MEGF10: variants seen among roughly 807,000 people sequenced by gnomAD.
MEGF10 encodes multiple epidermal growth factor-like domains protein 10.
Under a neutral mutation model 147.5 loss-of-function variants are expected in MEGF10, and 86 were observed. The ratio of observed to expected loss-of-function variants is 0.58; its 90% CI spans 0.49 to 0.70. The LOEUF (loss-of-function observed/expected upper bound fraction) is 0.70. Among genes scored for constraint, MEGF10 ranks in the 30% least tolerant of loss-of-function variants. The pLI is 0.00. For missense variants in MEGF10, 1,329 were observed against 1,487.3 expected (o/e 0.89, Z 1.75); for synonymous variants, 478 against 525.5 (o/e 0.91, Z 1.24).
the MEGF10 span, among the ~76,000 whole-genome samples, chr5:127,232,654 A>C: frequency 2.6e-5 from 4 of 152,182 alleles, no homozygotes; most frequent in African/African-American, 9.7e-5. Context: ...AGAGAAGTAC[A>C]AAACTTGGAG....
At chr5:127,314,085 C>G (rs1580700198) in intron 1 of MEGF10, among the ~76,000 whole-genome samples, 1 of 152,132 alleles carries the variant, frequency 6.6e-6, no homozygotes, top group South Asian at 2.1e-4. Flanking sequence ...GGGATTGTTT[C>G]TCAGTTACCC....
chr5:127,445,299 G>A, intron 19 of MEGF10, 158 bp from the exon 20 acceptor site: 1 of 644,222 alleles, frequency 1.6e-6, no homozygotes, highest in Non-Finnish European at 2.7e-6. Flanking sequence ...ATCTGACAAT[G>A]AGGAATGTTT....
the MEGF10 span, among the ~76,000 whole-genome samples, chr5:127,247,446 GAAGAAGAAGAAGAAGAA>G: frequency 8.3e-6 from 1 of 120,444 alleles, no homozygotes; most frequent in African/African-American, 3.7e-5. Flanking sequence ...AGAAGAAGAA[GAAGAAGAAGAAGAAGAA>G]GAAGAAGAAG....
intron 19 of MEGF10, 100 bp downstream of exon 19, chr5:127,443,226 TCAC>T: frequency 1.6e-6 from 2 of 1,254,216 alleles, no homozygotes; most frequent in Non-Finnish European, 2.1e-6. Context: ...AGCAGAATCT[TCAC>T]CACAACTCTA....
At position 127,420,131 on chromosome 5, in the gene MEGF10, G is replaced by T. The variant is rs199699950; in HGVS notation, c.1514G>T (p.Gly505Val). The T allele has an allele frequency of 1.2e-6, 2 of 1,614,114 alleles. No homozygotes were observed. Among genetic ancestry groups the T allele is most frequent in the Non-Finnish European group, 1.7e-6 (2 of 1,180,054 alleles). Residue 505 changes from glycine to valine, a missense_variant, in exon 12 of 25, where the codon GGA (glycine) becomes GTA (valine). Gly to Val is a moderately radical substitution (Grantham distance 109, BLOSUM62 -3). Around this residue, in one of 3 missense-constraint regions of MEGF10, gnomAD observed 980 missense variants for 1,085.9 expected, o/e 0.90. Coordinates refer to ENST00000503335, the MANE Select transcript of MEGF10 (RefSeq NM_001256545.2). ...CNLTCQCLNG[G>V]ACNTLDGTCT... The stretch of plus-strand genomic sequence containing the variant: ...TTAACATGCCAGTGCCTCAACGGGG[G>T]AGCCTGCAACACCCTGGACGGGACC...
the MEGF10 span, among the ~76,000 whole-genome samples, chr5:127,260,948 AACAGGAACTGTAGTGCAGTTCAGTACAGT>A: frequency 1.3e-5 from 2 of 152,140 alleles, no homozygotes; most frequent in African/African-American, 2.4e-5. Context: ...CAGTAGTAGG[AACAGGAACTGTAGTGCAGTTCAGTACAGT>A]ACAGGAACTG....
At chr5:127,411,560 G>A (rs900386745) in intron 9 of MEGF10, among the ~76,000 whole-genome samples, 4 of 152,040 alleles carry the variant, frequency 2.6e-5, no homozygotes, top group Non-Finnish European at 4.4e-5. Context: ...CTGTGTGTGT[G>A]TGTGTGTGTG....
At chr5:127,263,252 T>G in the MEGF10 span, among the ~76,000 whole-genome samples, 6 of 146,284 alleles carry the variant, frequency 4.1e-5, no homozygotes, top group African/African-American at 1.5e-4. Context: ...GGTTCATGAA[T>G]GTGATGCAGT....
the MEGF10 span, among the ~76,000 whole-genome samples, chr5:127,266,717 CTGTT>C: frequency 6.6e-6 from 1 of 152,214 alleles, no homozygotes; most frequent in South Asian, 2.1e-4. Context: ...ATTTAGCTCT[CTGTT>C]TGTCTGTTAT....
chr5:127,417,152 C>T (rs1764807255), intron 9 of MEGF10, among the ~76,000 whole-genome samples: 1 of 152,204 alleles, frequency 6.6e-6, no homozygotes, highest in Non-Finnish European at 1.5e-5. Context: ...CAGCTGGTTG[C>T]CTGGTGGGTC....
At chr5:127,323,096 A>C (rs1760855437) in intron 1 of MEGF10, among the ~76,000 whole-genome samples, 1 of 152,154 alleles carries the variant, frequency 6.6e-6, no homozygotes, top group South Asian at 2.1e-4. Context: ...AAATTATTTT[A>C]AAATAAAAAG....
In MEGF10 at chr5:127,438,421, C is replaced by T. The variant is rs192801422; in HGVS notation, c.2105-18C>T. 2.5e-6 allele frequency: 4 copies of T among 1,612,920 alleles called. No homozygotes were observed. In the African/African-American group the frequency reaches 5.3e-5, roughly 21 times the overall value. Reference sequence around the variant, plus strand: ...GGCCTCAGAACTCTGATGGACTTCTCCATACCTGTAATTTCAGCATGTCCA... The same window carrying T: ...GGCCTCAGAACTCTGATGGACTTCTTCATACCTGTAATTTCAGCATGTCCA... On this transcript the variant is annotated intron_variant, in intron 16 of 24. Transcript: ENST00000503335.
chr5:127,427,348 TA>T (rs1315663691), intron 13 of MEGF10, among the ~76,000 whole-genome samples: 2 of 151,990 alleles, frequency 1.3e-5, no homozygotes, highest in African/African-American at 4.8e-5. Flanking sequence ...TATACCAGAA[TA>T]AAAAAGTTAA....
intron 1 of MEGF10, 51 bp from the exon 2 acceptor site, chr5:127,331,240 T>C (rs1278444208): frequency 2.1e-6 from 2 of 954,814 alleles, no homozygotes; most frequent in African/African-American, 3.2e-5. Flanking sequence ...AAAAGAATTC[T>C]GTGTGAGTCA....
intron 1 of MEGF10, among the ~76,000 whole-genome samples, chr5:127,309,733 T>C (rs1760177897): frequency 1.3e-5 from 2 of 152,188 alleles, no homozygotes; most frequent in Admixed American, 1.3e-4. Flanking sequence ...GTATTGTGAA[T>C]AGTGCTGCTG....
intron 2 of MEGF10, among the ~76,000 whole-genome samples, chr5:127,338,916 G>A (rs570033173): frequency 7.9e-5 from 12 of 151,908 alleles, no homozygotes; most frequent in Admixed American, 3.3e-4. Context: ...AGCACAAATC[G>A]TTGTATTTTA....
chr5:127,391,858 C>G (rs901780163), intron 5 of MEGF10, among the ~76,000 whole-genome samples: 3 of 152,048 alleles, frequency 2.0e-5, no homozygotes, highest in African/African-American at 7.2e-5. Flanking sequence ...ACAAGGCAAG[C>G]AAATATAAAG....
Position 127,415,370 on chromosome 5 carries a change from GGGTAGT to G in MEGF10, c.1131-2265_1131-2260del, listed in dbSNP as rs751470058. On this transcript the variant is annotated intron_variant, in intron 9 of 24. Coordinates refer to ENST00000503335, the MANE Select transcript of MEGF10 (RefSeq NM_001256545.2). ...TTAAACAGTCTGGATTTTTTTCTAA[GGGTAGT>G]GGGGAGCCTTTGCAGAGTTTTAAGA... Among the ~76,000 whole-genome samples the G allele has an allele frequency of 1.2e-3, 185 of 152,216 alleles. 1 individual carries two copies. The highest frequency in any genetic ancestry group is 1.9e-3 in the South Asian group (9 of 4,828).
chr5:127,347,285 GT>G (rs1283790728), intron 4 of MEGF10, among the ~76,000 whole-genome samples: 7 of 151,910 alleles, frequency 4.6e-5, no homozygotes, highest in Non-Finnish European at 1.0e-4. Context: ...TATATTGTAT[GT>G]TTTTTAATGT....
Sources: allele counts gnomAD v4.1 joint callset (sites outside exome capture counted in the v4.1 genomes callset), GRCh38; gene constraint gnomAD v4.1.1; regional missense constraint gnomAD v4.1.1; transcripts MANE v1.5; gene names NCBI Gene and HGNC (gene_info 2026-07-23, HGNC 2026-07-21).